Variants in SH3RF2 observed in about 807,000 individuals in gnomAD.
SH3RF2 encodes SH3 domain containing ring finger 2, also known as E3 ubiquitin-protein ligase SH3RF2.
In SH3RF2, 43 loss-of-function variants were observed where a neutral mutation model predicts 59.0. The ratio of observed to expected loss-of-function variants is 0.73; its 90% CI spans 0.57 to 0.94. SH3RF2 has a LOEUF of 0.94. Ranked by LOEUF, SH3RF2 falls within the 40% of genes least tolerant of loss-of-function variation. The probability of loss-of-function intolerance (pLI) is 0.00; values close to 1 mark genes in which losing one functional copy is unlikely to be tolerated. For missense variants in SH3RF2, 930 were observed against 940.1 expected, an observed-to-expected ratio of 0.99 and a Z score of 0.14; for synonymous variants, 391 against 391.5, an observed-to-expected ratio of 1.00 and a Z score of 0.01.
At chr5:146,079,467 G>T (rs969383541) in exon 10 of SH3RF2, 7 of 152,146 alleles carry the variant, frequency 4.6e-5, no homozygotes, top group Non-Finnish European at 8.8e-5. Context: ...GGCACATGCT[G>T]CTCTGATTAT....
intron 2 of SH3RF2, among the ~76,000 whole-genome samples, chr5:145,956,425 G>A (rs776947658): frequency 6.6e-5 from 10 of 152,110 alleles, no homozygotes; most frequent in African/African-American, 1.2e-4. Context: ...ACAGGTGTGC[G>A]CCACCACACC....
At chr5:146,059,561 C>T (rs113292846) in intron 8 of SH3RF2, among the ~76,000 whole-genome samples, 2,086 of 150,796 alleles carry the variant, frequency 0.014, 29 homozygotes, top group Middle Eastern at 0.048. Flanking sequence ...TGTGTGTGTG[C>T]GTGTGTGTGT....
At chr5:145,986,342 G>A (rs963241423) in intron 2 of SH3RF2, among the ~76,000 whole-genome samples, 1 of 152,144 alleles carries the variant, frequency 6.6e-6, no homozygotes, top group Admixed American at 6.6e-5. Context: ...TGGGAGGGTT[G>A]TTTGACTCAT....
chr5:145,953,103 GTC>G (rs58627935), intron 2 of SH3RF2, among the ~76,000 whole-genome samples: 143 of 144,770 alleles, frequency 9.9e-4, no homozygotes, highest in Non-Finnish European at 1.1e-3. Context: ...AACACCAACA[GTC>G]TCTCTCTCTC....
intron 5 of SH3RF2, among the ~76,000 whole-genome samples, chr5:146,019,784 G>A (rs1207711894): frequency 6.6e-6 from 1 of 152,074 alleles, no homozygotes. Context: ...TTTCAACAGT[G>A]TTTTGTAGTT....
chr5:145,954,136 GC>G (rs1221142111), intron 2 of SH3RF2, among the ~76,000 whole-genome samples: 1 of 152,166 alleles, frequency 6.6e-6, no homozygotes, highest in African/African-American at 2.4e-5. Flanking sequence ...TCGCCATATG[GC>G]TTTCCACAAT....
At position 145,938,099 on chromosome 5, in the gene SH3RF2, T is replaced by C; in HGVS notation, c.171T>C (p.Phe57=). ...GCCCCGAATGCAGGACGCCTGTGTT[T>C]TCCAACATTGAGGCGCTGCCGGCCA... ...LRCPECRTPV[F]SNIEALPANL... The change falls in exon 2 of 10, where the codon TTT becomes TTC. Residue 57 remains phenylalanine, a synonymous_variant. Coordinates refer to ENST00000359120, the MANE Select transcript of SH3RF2 (RefSeq NM_152550.4). 6.2e-7 allele frequency: 1 copy of C among 1,614,208 alleles called. No individual in the cohort carries two copies.
intron 2 of SH3RF2, among the ~76,000 whole-genome samples, chr5:145,943,633 G>T (rs1172995059): frequency 6.6e-6 from 1 of 152,086 alleles, no homozygotes. Flanking sequence ...AAGTGATCAG[G>T]GTAATCCCTG....
At chr5:146,028,722 T>C (rs1314589062) in intron 5 of SH3RF2, among the ~76,000 whole-genome samples, 2 of 152,174 alleles carry the variant, frequency 1.3e-5, no homozygotes, top group Non-Finnish European at 2.9e-5. Flanking sequence ...TTGTAGTAAA[T>C]GCAGAATAAA....
chr5:145,987,222 G>A (rs7729918), intron 2 of SH3RF2, among the ~76,000 whole-genome samples: 3,340 of 152,194 alleles, frequency 0.022, 142 homozygotes, highest in African/African-American at 0.077. Flanking sequence ...TAAGTTATTG[G>A]GGTACAGGTG....
chr5:145,980,226 T>C (rs116806736), intron 2 of SH3RF2, among the ~76,000 whole-genome samples: 1,778 of 152,274 alleles, frequency 0.012, 37 homozygotes, highest in African/African-American at 0.041. Context: ...TTGAAGCTAA[T>C]TGACACCCAC....
chr5:146,048,649 G>A (rs1762386594), intron 6 of SH3RF2, among the ~76,000 whole-genome samples: 1 of 152,116 alleles, frequency 6.6e-6, no homozygotes, highest in African/African-American at 2.4e-5. Flanking sequence ...GATGCCTGGA[G>A]GCCATATACT....
At chr5:145,997,507 T>A (rs1424921444) in intron 2 of SH3RF2, 1 of 1,600,102 alleles carries the variant, frequency 6.2e-7, no homozygotes, top group Non-Finnish European at 8.6e-7. Context: ...GATGCTTATG[T>A]CTATCTGAAG....
At chr5:146,015,005 T>C (rs1036999034) in intron 5 of SH3RF2, among the ~76,000 whole-genome samples, 4 of 152,194 alleles carry the variant, frequency 2.6e-5, no homozygotes, top group Non-Finnish European at 5.9e-5. Context: ...TTTGGGACCA[T>C]GCAGGTGGCA....
intron 5 of SH3RF2, among the ~76,000 whole-genome samples, chr5:146,044,299 T>G (rs762285571): frequency 1.1e-4 from 17 of 152,194 alleles, no homozygotes; most frequent in Non-Finnish European, 2.1e-4. Context: ...TACAGGCGCA[T>G]GCCACCACCC....
intron 5 of SH3RF2, among the ~76,000 whole-genome samples, chr5:146,029,205 G>A (rs1761654306): frequency 1.3e-5 from 2 of 152,226 alleles, no homozygotes; most frequent in South Asian, 4.1e-4. Flanking sequence ...TGGAGGAACT[G>A]AGACTCAGAG....
At chr5:146,080,974 A>G (rs1763415613) in exon 10 of SH3RF2, 2 of 151,950 alleles carry the variant, frequency 1.3e-5, no homozygotes. Flanking sequence ...AATTTTTTGT[A>G]TTTTTAGTAG....
intron 5 of SH3RF2, among the ~76,000 whole-genome samples, chr5:146,017,445 T>C (rs1761147022): frequency 6.6e-6 from 1 of 152,152 alleles, no homozygotes; most frequent in Non-Finnish European, 1.5e-5. Context: ...CTGCTCGCCC[T>C]CTGCCTCCCA....
intron 2 of SH3RF2, among the ~76,000 whole-genome samples, chr5:145,972,222 C>A (rs1001137520): frequency 1.3e-5 from 2 of 151,802 alleles, no homozygotes; most frequent in African/African-American, 2.4e-5. Context: ...TAAAATAAAT[C>A]TTTGATAAAA....
Sources: allele counts gnomAD v4.1 joint callset (sites outside exome capture counted in the v4.1 genomes callset), GRCh38; gene constraint gnomAD v4.1.1; transcripts MANE v1.5; gene names NCBI Gene and HGNC (gene_info 2026-07-23, HGNC 2026-07-21).